Variants in TLL1 observed in about 807,000 individuals in gnomAD.
TLL1 encodes tolloid like 1.
In TLL1, 49 loss-of-function variants were observed where a neutral mutation model predicts 128.2. The ratio of observed to expected loss-of-function variants is 0.38; its 90% CI spans 0.30 to 0.48. The LOEUF (loss-of-function observed/expected upper bound fraction) is 0.48. Ranked by LOEUF, TLL1 falls within the 20% of genes least tolerant of loss-of-function variation. The probability of loss-of-function intolerance (pLI) is 0.96; values close to 1 mark genes in which losing one functional copy is unlikely to be tolerated. For synonymous variants in TLL1, 454 were observed against 418.8 expected (o/e 1.08, Z -1.03); for missense variants, 1,123 against 1,242.0 (o/e 0.90, Z 1.44).
intron 1 of TLL1, among the ~76,000 whole-genome samples, chr4:165,907,223 G>A (rs185660265): frequency 2.6e-5 from 4 of 152,046 alleles, no homozygotes; most frequent in African/African-American, 9.6e-5. Flanking sequence ...TAATGTTTTT[G>A]TTAAAAGACT....
intron 8 of TLL1, among the ~76,000 whole-genome samples, chr4:166,015,562 T>C (rs942842389): frequency 6.6e-5 from 10 of 152,022 alleles, no homozygotes; most frequent in Admixed American, 2.0e-4. Flanking sequence ...AGGGAACTTT[T>C]AGGCCATAGA....
chr4:166,051,416 C>T (rs1739729061), intron 12 of TLL1, among the ~76,000 whole-genome samples: 1 of 151,276 alleles, frequency 6.6e-6, no homozygotes, highest in African/African-American at 2.4e-5. Context: ...ACTGATGAAG[C>T]TTAAACTTAC....
intron 19 of TLL1, among the ~76,000 whole-genome samples, chr4:166,095,189 C>G (rs1027782632): frequency 6.6e-6 from 1 of 151,922 alleles, no homozygotes; most frequent in Non-Finnish European, 1.5e-5. Flanking sequence ...AAATTTCAAA[C>G]ACTATGAATT....
Position 166,003,567 on chromosome 4 carries a change from C to G in TLL1, c.809C>G (p.Pro270Arg), listed in dbSNP as rs560690746. ...ACTATCATAAGAGAAAACATCCAGC[C>G]AGGTGAGAGGCATAGAATGTGTTGG... ...HVTIIRENIQ[P>R]GQEYNFLKME... The change falls in exon 6 of 21, where the codon CCA (proline) becomes CGA (arginine). Residue 270 changes from proline to arginine, a missense_variant and splice_region_variant. By Grantham distance (103) the Pro-to-Arg change is moderately radical (BLOSUM62 -2). Transcript: ENST00000061240. The G allele has an allele frequency of 9.3e-5, 150 of 1,613,640 alleles. No homozygotes were observed. Among genetic ancestry groups the G allele is most frequent in the Non-Finnish European group, 1.2e-4 (143 of 1,179,802 alleles).
intron 5 of TLL1, among the ~76,000 whole-genome samples, chr4:166,002,258 A>T (rs1168565727): frequency 1.3e-5 from 2 of 152,092 alleles, no homozygotes; most frequent in African/African-American, 4.8e-5. Flanking sequence ...CTCTTCATAA[A>T]GGCAGAGTCC....
intron 1 of TLL1, among the ~76,000 whole-genome samples, chr4:165,957,819 G>A (rs975918262): frequency 2.8e-4 from 41 of 147,814 alleles, no homozygotes; most frequent in East Asian, 6.1e-4. Context: ...CCATTAATTC[G>A]TCATTTAGCA....
chr4:165,994,463 C>A lies in TLL1; in HGVS notation c.444C>A (p.Ala148=), dbSNP rs147468832. ...GQNEKNRVPR[A]ATSRTERIWP... is the part of the protein sequence containing the mutation. ...ATGAGAAAAATCGAGTTCCCAGAGC[C>A]GCTACATCAAGAACGGAAAGAATAT... Residue 148 remains alanine (A), a synonymous_variant, in exon 4 of 21, where the codon GCC becomes GCA. Transcript: ENST00000061240. 1 of 1,613,936 alleles carries A rather than the reference C, an allele frequency of 6.2e-7. No homozygotes were observed. The highest frequency in any genetic ancestry group is 1.1e-5 in the South Asian group (1 of 91,078).
intron 16 of TLL1, among the ~76,000 whole-genome samples, chr4:166,071,467 C>T (rs1031019677): frequency 5.3e-5 from 8 of 151,850 alleles, no homozygotes; most frequent in African/African-American, 9.7e-5. Context: ...TATTTCTCCT[C>T]GATAAAACAT....
chr4:166,019,723 A>C (rs1392933895), intron 8 of TLL1, among the ~76,000 whole-genome samples: 1 of 152,126 alleles, frequency 6.6e-6, no homozygotes, highest in Non-Finnish European at 1.5e-5. Flanking sequence ...ATGATATATA[A>C]ATTTTTTAAT....
chr4:165,903,778 AAAT>A (rs1442751331), intron 1 of TLL1, among the ~76,000 whole-genome samples: 1 of 150,290 alleles, frequency 6.7e-6, no homozygotes, highest in African/African-American at 2.4e-5. Flanking sequence ...TAATAATAAT[AAAT>A]AATAAGGCAG....
chr4:165,895,616 C>T (rs1241914987), intron 1 of TLL1, among the ~76,000 whole-genome samples: 3 of 109,458 alleles, frequency 2.7e-5, no homozygotes, highest in Non-Finnish European at 5.1e-5. Context: ...CCCCAAAAAG[C>T]TCAGTAAGAC....
chr4:166,027,904 TA>T, intron 9 of TLL1, among the ~76,000 whole-genome samples: 1 of 152,240 alleles, frequency 6.6e-6, no homozygotes, highest in South Asian at 2.1e-4. Context: ...TGATTATCTA[TA>T]AAACTATATT....
chr4:166,055,062 T>G lies in TLL1; in HGVS notation c.1525-14T>G, dbSNP rs765435395. 6 of 1,605,784 alleles carry G rather than the reference T, an allele frequency of 3.7e-6. No homozygotes were observed. The African/African-American group carries it at 8.1e-5, about 22-fold the overall frequency. ...CTATAAACATATATTTTCACATATT[T>G]TTTTCTGTTGCAGATTGAAAGACAT... On this transcript the variant is annotated splice_polypyrimidine_tract_variant and intron_variant, in intron 12 of 20. Transcript: ENST00000061240.
chr4:166,042,222 A>T, intron 11 of TLL1, 79 bp downstream of exon 11: 1 of 921,070 alleles, frequency 1.1e-6, no homozygotes, highest in Non-Finnish European at 1.8e-6. Flanking sequence ...CATTACAATG[A>T]CATTGTGACC....
chr4:166,076,044 G>T (rs977580411), intron 17 of TLL1, among the ~76,000 whole-genome samples: 8 of 152,048 alleles, frequency 5.3e-5, no homozygotes, highest in African/African-American at 1.9e-4. Context: ...TAGGAAATAG[G>T]CCCAGGTTTT....
chr4:166,100,129 T>A (rs1221406419), intron 20 of TLL1, among the ~76,000 whole-genome samples: 1 of 152,106 alleles, frequency 6.6e-6, no homozygotes, highest in Non-Finnish European at 1.5e-5. Flanking sequence ...CCTCCAGGAT[T>A]CACTGCATTA....
intron 1 of TLL1, among the ~76,000 whole-genome samples, chr4:165,939,856 G>T (rs1554008655): frequency 6.6e-6 from 1 of 151,994 alleles, no homozygotes; most frequent in Non-Finnish European, 1.5e-5. Context: ...GCAGCTATTT[G>T]CTTAAATATT....
Position 166,044,392 on chromosome 4 carries a change from G to T in TLL1, c.1524+973G>T, listed in dbSNP as rs564265268. ...GGAGCACCAGGAGAATCCAGGGATT[G>T]CCAGTAAAGCCAGAGAATCTCTCAT... On this transcript the variant is annotated intron_variant, in intron 12 of 20. Coordinates refer to ENST00000061240, the MANE Select transcript of TLL1 (RefSeq NM_012464.5). 8.7e-5 allele frequency: 134 copies of T among 1,535,532 alleles called. No homozygotes were observed. The African/African-American group carries it at 1.1e-3, about 13-fold the overall frequency.
intron 2 of TLL1, 152 bp from the exon 3 acceptor site, chr4:165,992,652 C>T (rs892089379): frequency 3.3e-5 from 23 of 698,388 alleles, no homozygotes; most frequent in Non-Finnish European, 4.9e-5. Flanking sequence ...GAGTTTTTAC[C>T]CCCTTCAAAG....
Sources: allele counts gnomAD v4.1 joint callset (sites outside exome capture counted in the v4.1 genomes callset), GRCh38; gene constraint gnomAD v4.1.1; transcripts MANE v1.5; gene names NCBI Gene and HGNC (gene_info 2026-07-23, HGNC 2026-07-21).